MACROD2: variants seen among roughly 807,000 people sequenced by gnomAD.
The protein encoded by MACROD2 is ADP-ribose glycohydrolase MACROD2.
In MACROD2, 36 loss-of-function variants were observed where a neutral mutation model predicts 70.4. That is an observed-to-expected ratio of 0.51 (90% CI 0.39 to 0.68). The LOEUF (loss-of-function observed/expected upper bound fraction) is 0.68. Ranked by LOEUF, MACROD2 falls within the 30% of genes least tolerant of loss-of-function variation. The pLI is 0.00. For synonymous variants in MACROD2, 172 were observed against 178.8 expected, an observed-to-expected ratio of 0.96 and a Z score of 0.30; for missense variants, 496 against 538.4, an observed-to-expected ratio of 0.92 and a Z score of 0.78.
intron 8 of MACROD2, among the ~76,000 whole-genome samples, chr20:15,781,305 T>A (rs2051827036): frequency 6.6e-6 from 1 of 152,202 alleles, no homozygotes; most frequent in Admixed American, 6.5e-5. Flanking sequence ...ACTGATGCAA[T>A]GCTTTGGCAA....
At chr20:14,850,230 A>G (rs2073185886) in intron 5 of MACROD2, 1 of 234,696 alleles carries the variant, frequency 4.3e-6, no homozygotes, top group South Asian at 4.9e-5. Flanking sequence ...CATACCATCA[A>G]TATATGGGTG....
chr20:15,467,597 T>C (rs1383110620), intron 7 of MACROD2, among the ~76,000 whole-genome samples: 2 of 152,228 alleles, frequency 1.3e-5, no homozygotes, highest in African/African-American at 4.8e-5. Context: ...AATCTCCTTT[T>C]CTTTATATTT....
At chr20:15,618,126 G>T (rs200750) in intron 8 of MACROD2, among the ~76,000 whole-genome samples, 63,211 of 130,020 alleles carry the variant, frequency 0.49, 16,039 homozygotes, top group African/African-American at 0.68. Context: ...TTGGTGGGGT[G>T]TATTTCAAAT....
At chr20:15,485,483 A>C (rs2047152386) in intron 7 of MACROD2, among the ~76,000 whole-genome samples, 1 of 152,180 alleles carries the variant, frequency 6.6e-6, no homozygotes. Context: ...CAGCTCAAGC[A>C]GGAGAACAGA....
chr20:14,271,829 G>A (rs775614357), intron 3 of MACROD2, among the ~76,000 whole-genome samples: 12 of 152,148 alleles, frequency 7.9e-5, no homozygotes, highest in African/African-American at 2.7e-4. Flanking sequence ...ACCAAGGCTC[G>A]AGAACTACGT....
rs567473527 is a variant in MACROD2, at chr20:14,577,146, G to C, written c.301+83638G>C. Among the ~76,000 whole-genome samples the C allele has an allele frequency of 1.7e-3, 261 of 152,296 alleles. 1 individual carries two copies. Among genetic ancestry groups the C allele is most frequent in the African/African-American group, 5.9e-3 (244 of 41,576 alleles). On this transcript the variant is annotated intron_variant, in intron 4 of 17. Transcript: ENST00000684519. ...TCCAAAAGCAGATACTATTTAAGGT[G>C]ATGGTTTTAAATCTAAGGCCACTGG...
chr20:15,568,940 C>T (rs2048343335), intron 8 of MACROD2, among the ~76,000 whole-genome samples: 1 of 152,118 alleles, frequency 6.6e-6, no homozygotes, highest in African/African-American at 2.4e-5. Flanking sequence ...TAAGGGGCCT[C>T]CTCATCCACA....
intron 6 of MACROD2, among the ~76,000 whole-genome samples, chr20:15,316,662 T>C (rs888515143): frequency 1.3e-5 from 2 of 152,026 alleles, no homozygotes; most frequent in African/African-American, 4.8e-5. Flanking sequence ...AAGAAGGACA[T>C]AGAGAACTTG....
chr20:14,722,576 AG>A, intron 5 of MACROD2, among the ~76,000 whole-genome samples: 1 of 152,296 alleles, frequency 6.6e-6, no homozygotes, highest in South Asian at 2.1e-4. Flanking sequence ...GTAAGCAGTA[AG>A]TAAATGGTTT....
intron 3 of MACROD2, among the ~76,000 whole-genome samples, chr20:14,467,341 C>T (rs1284465437): frequency 2.0e-5 from 3 of 152,142 alleles, no homozygotes; most frequent in Non-Finnish European, 2.9e-5. Context: ...GAGCCAGTTG[C>T]GGGATATAAT....
Position 16,050,913 on chromosome 20 carries a change from G to C in MACROD2, c.*1037G>C, listed in dbSNP as rs1270414826. The C allele has an allele frequency of 6.6e-6, 1 of 152,264 alleles. No individual in the cohort carries two copies. The highest frequency in any genetic ancestry group is 1.5e-5 in the Non-Finnish European group (1 of 68,072). 9.4% of individuals were successfully genotyped at this position (152,264 alleles called of 1,614,324 possible). ...CCTTCCTGGCCTGTGTTTAAATGCT[G>C]TCACTTGTTTATGCCAAGTTCAAGG... On this transcript the variant is annotated 3_prime_UTR_variant, in exon 18 of 18. Coordinates refer to ENST00000684519, the MANE Select transcript of MACROD2 (RefSeq NM_001351661.2).
chr20:14,006,896 A>G (rs2052831220), intron 2 of MACROD2, among the ~76,000 whole-genome samples: 1 of 152,124 alleles, frequency 6.6e-6, no homozygotes, highest in Non-Finnish European at 1.5e-5. Flanking sequence ...AGTGGGGTTT[A>G]AATTTTTTTG....
At chr20:14,327,573 G>T in intron 3 of MACROD2, 1 of 1,485,750 alleles carries the variant, frequency 6.7e-7, no homozygotes, top group Non-Finnish European at 9.0e-7. Flanking sequence ...AATGAAGTGA[G>T]TAAAAAAAGA....
chr20:14,055,959 G>A (rs901586914), intron 2 of MACROD2, among the ~76,000 whole-genome samples: 66 of 152,220 alleles, frequency 4.3e-4, no homozygotes, highest in African/African-American at 1.5e-3. Flanking sequence ...ATGGATGCCA[G>A]TTTTTAATAA....
intron 8 of MACROD2, among the ~76,000 whole-genome samples, chr20:15,793,391 T>C (rs2063643678): frequency 6.6e-6 from 1 of 152,192 alleles, no homozygotes. Context: ...AGACCCTCTA[T>C]GGAGAGGAAC....
chr20:15,292,448 A>G (rs2077549188), intron 6 of MACROD2, among the ~76,000 whole-genome samples: 1 of 152,200 alleles, frequency 6.6e-6, no homozygotes, highest in African/African-American at 2.4e-5. Context: ...TAGCTTTTGC[A>G]ATGCTTTCCA....
At chr20:14,605,031 T>G (rs1223734945) in intron 4 of MACROD2, among the ~76,000 whole-genome samples, 1 of 152,196 alleles carries the variant, frequency 6.6e-6, no homozygotes, top group African/African-American at 2.4e-5. Flanking sequence ...TATATTTGAC[T>G]CTTACAAAAT....
At chr20:15,220,446 A>G (rs985965665) in intron 5 of MACROD2, among the ~76,000 whole-genome samples, 2 of 152,262 alleles carry the variant, frequency 1.3e-5, no homozygotes, top group African/African-American at 2.4e-5. Flanking sequence ...TCACAGAATC[A>G]TGACATTGCA....
intron 13 of MACROD2, among the ~76,000 whole-genome samples, chr20:15,983,744 C>T (rs1293754916): frequency 6.6e-6 from 1 of 152,176 alleles, no homozygotes; most frequent in Non-Finnish European, 1.5e-5. Context: ...GGGCCTCTGG[C>T]CTGCCATGTG....
Sources: allele counts gnomAD v4.1 joint callset (sites outside exome capture counted in the v4.1 genomes callset), GRCh38; gene constraint gnomAD v4.1.1; transcripts MANE v1.5; gene names NCBI Gene and HGNC (gene_info 2026-07-23, HGNC 2026-07-21).